Variants in GALNTL6 observed in about 807,000 individuals in gnomAD.
GALNTL6 encodes the protein polypeptide N-acetylgalactosaminyltransferase-like 6.
A neutral mutation model predicts 73.7 loss-of-function variants in GALNTL6; 46 were observed. The observed-to-expected ratio is 0.62, with a 90% CI of 0.49 to 0.80. The LOEUF is 0.80. Ranked by LOEUF, GALNTL6 falls within the 30% of genes least tolerant of loss-of-function variation. The pLI, the probability that GALNTL6 is intolerant of heterozygous loss-of-function variation, is 0.00. For missense variants in GALNTL6, 604 were observed against 755.0 expected, an observed-to-expected ratio of 0.80 and a Z score of 2.34; for synonymous variants, 259 against 263.7, an observed-to-expected ratio of 0.98 and a Z score of 0.17.
At chr4:172,441,676 C>T (rs969654933) in intron 5 of GALNTL6, among the ~76,000 whole-genome samples, 2 of 152,042 alleles carry the variant, frequency 1.3e-5, no homozygotes, top group African/African-American at 2.4e-5. Flanking sequence ...GAGAAAAATC[C>T]GTGTTTTAGA....
chr4:172,762,107 A>G (rs545421268), intron 5 of GALNTL6, among the ~76,000 whole-genome samples: 2 of 152,348 alleles, frequency 1.3e-5, no homozygotes, highest in South Asian at 4.1e-4. Flanking sequence ...CAAGTAATGT[A>G]TCTAATTTTT....
At chr4:172,401,369 A>G (rs1323074027) in intron 5 of GALNTL6, among the ~76,000 whole-genome samples, 1 of 152,196 alleles carries the variant, frequency 6.6e-6, no homozygotes, top group East Asian at 1.9e-4. Flanking sequence ...TCATTCCAGC[A>G]AAGGAGAAAA....
chr4:172,595,383 A>G (rs1298969039), intron 5 of GALNTL6, among the ~76,000 whole-genome samples: 1 of 152,158 alleles, frequency 6.6e-6, no homozygotes, highest in Non-Finnish European at 1.5e-5. Flanking sequence ...TCTAACTCCA[A>G]TCTCTGGATA....
chr4:172,794,942 T>C (rs947698911), intron 5 of GALNTL6, among the ~76,000 whole-genome samples: 4 of 152,160 alleles, frequency 2.6e-5, no homozygotes, highest in Non-Finnish European at 5.9e-5. Context: ...AGGCAAATGA[T>C]CATTCAGAGG....
At chr4:171,836,576 A>T (rs480652) in intron 2 of GALNTL6, among the ~76,000 whole-genome samples, 3 of 151,934 alleles carry the variant, frequency 2.0e-5, no homozygotes, top group Non-Finnish European at 2.9e-5. Context: ...GTTCTCCAAC[A>T]TCATCGTAAA....
At chr4:172,206,625 C>T (rs1337947383) in intron 2 of GALNTL6, among the ~76,000 whole-genome samples, 2 of 151,846 alleles carry the variant, frequency 1.3e-5, no homozygotes, top group Admixed American at 1.3e-4. Context: ...GAGTAAGTGC[C>T]ATTGAAGTGA....
At chr4:173,026,054 C>A (rs1317548880) in intron 12 of GALNTL6, among the ~76,000 whole-genome samples, 1 of 152,196 alleles carries the variant, frequency 6.6e-6, no homozygotes, top group Non-Finnish European at 1.5e-5. Flanking sequence ...AAATTGAGCG[C>A]TATCTCCCAT....
chr4:172,037,543 TG>T (rs1579079078), intron 2 of GALNTL6, among the ~76,000 whole-genome samples: 1 of 152,172 alleles, frequency 6.6e-6, no homozygotes, highest in East Asian at 1.9e-4. Flanking sequence ...CTCTTTTCCT[TG>T]TCCCTCCTAT....
chr4:172,471,724 CTT>C (rs1345581370), intron 5 of GALNTL6, among the ~76,000 whole-genome samples: 2 of 152,104 alleles, frequency 1.3e-5, no homozygotes, highest in Non-Finnish European at 2.9e-5. Flanking sequence ...TAAGAATTGA[CTT>C]GATATATAAT....
chr4:172,335,544 G>A (rs1741283946), intron 4 of GALNTL6, among the ~76,000 whole-genome samples: 1 of 152,112 alleles, frequency 6.6e-6, no homozygotes. Flanking sequence ...TTGCACATCT[G>A]GTAGAATTTG....
At chr4:172,149,371 G>C (rs1579185523) in intron 2 of GALNTL6, among the ~76,000 whole-genome samples, 2 of 152,170 alleles carry the variant, frequency 1.3e-5, no homozygotes, top group South Asian at 4.2e-4. Flanking sequence ...TGACCTGTAG[G>C]ACATATTGAA....
At chr4:172,694,548 A>G (rs1366197661) in intron 5 of GALNTL6, among the ~76,000 whole-genome samples, 1 of 152,140 alleles carries the variant, frequency 6.6e-6, no homozygotes, top group Non-Finnish European at 1.5e-5. Flanking sequence ...TCTATCATTG[A>G]TGCAACTGCC....
chr4:172,975,401 C>T (rs1750761244), intron 10 of GALNTL6, among the ~76,000 whole-genome samples: 1 of 152,214 alleles, frequency 6.6e-6, no homozygotes, highest in South Asian at 2.1e-4. Context: ...CCACATCTGT[C>T]TGAGTCTGGC....
intron 5 of GALNTL6, among the ~76,000 whole-genome samples, chr4:172,540,051 C>CTTTTTTTT (rs70944413): frequency 7.7e-6 from 1 of 129,208 alleles, no homozygotes; most frequent in Non-Finnish European, 1.6e-5. Context: ...TTCTTTCTTT[C>CTTTTTTTT]TTTTTTTTTT....
At chr4:172,030,855 A>C (rs992892653) in intron 2 of GALNTL6, among the ~76,000 whole-genome samples, 2 of 151,984 alleles carry the variant, frequency 1.3e-5, no homozygotes, top group African/African-American at 4.8e-5. Flanking sequence ...ATTTTTTATA[A>C]TTTTACAGCA....
intron 2 of GALNTL6, among the ~76,000 whole-genome samples, chr4:172,206,303 A>G (rs1000452031): frequency 5.3e-5 from 8 of 152,176 alleles, no homozygotes; most frequent in African/African-American, 1.9e-4. Flanking sequence ...TTATGTGGAT[A>G]CAGGGAGATA....
intron 7 of GALNTL6, among the ~76,000 whole-genome samples, chr4:172,826,054 T>TA (rs950757291): frequency 2.0e-5 from 3 of 152,176 alleles, no homozygotes; most frequent in Admixed American, 6.5e-5. Flanking sequence ...AACTTTTTTT[T>TA]ATCTCCATAA....
intron 5 of GALNTL6, among the ~76,000 whole-genome samples, chr4:172,406,973 T>TGGCGTGAACCCGGGAAG (rs1744261744): frequency 6.6e-6 from 1 of 152,014 alleles, no homozygotes; most frequent in Non-Finnish European, 1.5e-5. Context: ...ATTACAGAAA[T>TGGCGTGAACCCGGGAAG]CATCTGATAT....
At chr4:172,159,507 A>G (rs534505108) in intron 2 of GALNTL6, among the ~76,000 whole-genome samples, 51 of 152,308 alleles carry the variant, frequency 3.3e-4, no homozygotes, top group African/African-American at 1.1e-3. Flanking sequence ...TGTGATGCTT[A>G]AGCTGACATT....
Sources: gnomAD v4.1 joint callset for allele counts (sites outside exome capture counted in the v4.1 genomes callset) on GRCh38, gnomAD v4.1.1 for gene constraint, MANE v1.5 for transcripts, NCBI Gene and HGNC (gene_info 2026-07-23, HGNC 2026-07-21) for gene names.